Variants in CTNNA3 observed in about 807,000 individuals in gnomAD.
The protein encoded by CTNNA3 is catenin alpha 3.
Under a neutral mutation model 95.7 loss-of-function variants are expected in CTNNA3, and 76 were observed. The observed-to-expected ratio is 0.79, with a 90% confidence interval of 0.66 to 0.96. The LOEUF (loss-of-function observed/expected upper bound fraction) is 0.96, where lower values mean the gene tolerates loss of function less well. CTNNA3 is among the 40% of genes least tolerant of loss of function. The probability of loss-of-function intolerance (pLI) is 0.00; values close to 1 mark genes in which losing one functional copy is unlikely to be tolerated. For synonymous variants in CTNNA3, 431 were observed against 374.4 expected, an observed-to-expected ratio of 1.15 and a Z score of -1.74; for missense variants, 1,191 against 1,089.8, an observed-to-expected ratio of 1.09 and a Z score of -1.31.
rs186330911 is a variant in CTNNA3, at chr10:66,454,855, G to T, written c.1531+65762C>A. 4.8e-3 allele frequency among the ~76,000 whole-genome samples: 731 copies of T among 151,144 alleles called. 7 individuals are homozygous for T. Among genetic ancestry groups the T allele is most frequent in the African/African-American group, 0.012 (498 of 41,168 alleles). ...GAGGAGGGGAAGAAAGGGGGAAAAG[G>T]CGGAGGAGAGGAGGAAGAGGATAAA... is the stretch of plus-strand genomic sequence containing the variant. On this transcript the variant is annotated intron_variant, in intron 11 of 17. Coordinates refer to ENST00000433211, the MANE Select transcript of CTNNA3 (RefSeq NM_013266.4).
chr10:67,468,361 C>T (rs1343516683), intron 5 of CTNNA3, among the ~76,000 whole-genome samples: 1 of 150,468 alleles, frequency 6.6e-6, no homozygotes, highest in African/African-American at 2.5e-5. Context: ...AGACCCTGTT[C>T]CTTTTAAAAA....
chr10:66,677,246 G>C (rs1222959033), intron 9 of CTNNA3, among the ~76,000 whole-genome samples: 4 of 150,618 alleles, frequency 2.7e-5, no homozygotes, highest in Non-Finnish European at 5.9e-5. Flanking sequence ...TATTATTTAA[G>C]TGTTACTAAA....
intron 5 of CTNNA3, among the ~76,000 whole-genome samples, chr10:67,222,443 T>G (rs1014915202): frequency 2.6e-5 from 4 of 152,150 alleles, no homozygotes; most frequent in Non-Finnish European, 4.4e-5. Flanking sequence ...CTGCCGACCC[T>G]CTCACAAGAT....
At chr10:67,579,717 T>A (rs1842311894) in intron 3 of CTNNA3, among the ~76,000 whole-genome samples, 1 of 152,142 alleles carries the variant, frequency 6.6e-6, no homozygotes, top group Non-Finnish European at 1.5e-5. Flanking sequence ...CAGCACCTGT[T>A]GTTTCCTGAC....
chr10:66,191,083 C>G (rs1475553927), intron 13 of CTNNA3, among the ~76,000 whole-genome samples: 1 of 152,012 alleles, frequency 6.6e-6, no homozygotes, highest in Non-Finnish European at 1.5e-5. Flanking sequence ...GGCAGGTGGA[C>G]AGGACTTTAC....
At chr10:66,957,347 A>C (rs1162027059) in intron 7 of CTNNA3, among the ~76,000 whole-genome samples, 1 of 149,868 alleles carries the variant, frequency 6.7e-6, no homozygotes, top group African/African-American at 2.4e-5. Context: ...CAAGTAAAAA[A>C]TACTTTAGAA....
At chr10:67,474,553 C>G (rs760710129) in intron 5 of CTNNA3, among the ~76,000 whole-genome samples, 1 of 152,020 alleles carries the variant, frequency 6.6e-6, no homozygotes, top group Non-Finnish European at 1.5e-5. Flanking sequence ...AGTCTGAGTT[C>G]TTTTATTATG....
intron 5 of CTNNA3, among the ~76,000 whole-genome samples, chr10:67,235,924 T>A (rs1444446083): frequency 6.8e-6 from 1 of 146,188 alleles, no homozygotes; most frequent in Non-Finnish European, 1.5e-5. Context: ...TCACCATCAC[T>A]GGCCATCAGA....
At chr10:66,186,208 T>C (rs184897232) in intron 13 of CTNNA3, among the ~76,000 whole-genome samples, 535 of 152,074 alleles carry the variant, frequency 3.5e-3, no homozygotes, top group Non-Finnish European at 5.0e-3. Context: ...ACAATGTATA[T>C]AGGTACCAAA....
At chr10:67,294,397 C>T (rs73266212) in intron 5 of CTNNA3, among the ~76,000 whole-genome samples, 27 of 152,234 alleles carry the variant, frequency 1.8e-4, no homozygotes, top group African/African-American at 6.3e-4. Context: ...TATTCAACTA[C>T]ACCAAGTTAA....
chr10:66,970,855 GTCCTTCTGT>G (rs1849683514), intron 7 of CTNNA3, among the ~76,000 whole-genome samples: 1 of 152,098 alleles, frequency 6.6e-6, no homozygotes. Flanking sequence ...CCTCTTGGTA[GTCCTTCTGT>G]TTTTCAAGAT....
chr10:67,459,558 T>C (rs1490259945), intron 5 of CTNNA3, among the ~76,000 whole-genome samples: 1 of 152,212 alleles, frequency 6.6e-6, no homozygotes, highest in African/African-American at 2.4e-5. Flanking sequence ...TCCTTCATAG[T>C]AACACTTCTG....
At chr10:67,374,353 T>G (rs947510896) in intron 5 of CTNNA3, among the ~76,000 whole-genome samples, 16 of 152,190 alleles carry the variant, frequency 1.1e-4, no homozygotes, top group Non-Finnish European at 2.2e-4. Context: ...TGGAATTTTG[T>G]TTCTCTGATT....
At chr10:67,548,170 A>G (rs1253090069) in intron 3 of CTNNA3, among the ~76,000 whole-genome samples, 1 of 152,002 alleles carries the variant, frequency 6.6e-6, no homozygotes, top group African/African-American at 2.4e-5. Flanking sequence ...TAGTTGTTTA[A>G]AAGAGTCTGG....
At chr10:66,457,104 A>G (rs1194806975) in intron 11 of CTNNA3, among the ~76,000 whole-genome samples, 1 of 152,140 alleles carries the variant, frequency 6.6e-6, no homozygotes, top group Non-Finnish European at 1.5e-5. Flanking sequence ...AAAAAATGGA[A>G]AAAACAAAAC....
intron 1 of CTNNA3, among the ~76,000 whole-genome samples, chr10:67,664,090 C>T (rs1220198435): frequency 6.6e-6 from 1 of 152,208 alleles, no homozygotes; most frequent in African/African-American, 2.4e-5. Context: ...AGGAAAGTAG[C>T]TAATCCCATT....
intron 7 of CTNNA3, among the ~76,000 whole-genome samples, chr10:66,965,284 C>G (rs1189353267): frequency 6.6e-6 from 1 of 152,030 alleles, no homozygotes; most frequent in African/African-American, 2.4e-5. Flanking sequence ...TGCCTGTAAT[C>G]TCAACACTTT....
intron 13 of CTNNA3, among the ~76,000 whole-genome samples, chr10:66,219,413 C>T (rs936608581): frequency 6.6e-6 from 1 of 151,990 alleles, no homozygotes; most frequent in Non-Finnish European, 1.5e-5. Flanking sequence ...TCTATGTGAC[C>T]AATAGAATAT....
intron 1 of CTNNA3, among the ~76,000 whole-genome samples, chr10:67,710,602 A>G (rs1489897768): frequency 6.6e-6 from 1 of 152,156 alleles, no homozygotes; most frequent in Non-Finnish European, 1.5e-5. Context: ...GTAGATAGAA[A>G]CAATTCAGAA....
Sources: gnomAD v4.1 joint callset for allele counts (sites outside exome capture counted in the v4.1 genomes callset) on GRCh38, gnomAD v4.1.1 for gene constraint, MANE v1.5 for transcripts, NCBI Gene and HGNC (gene_info 2026-07-23, HGNC 2026-07-21) for gene names.